The following TOP3A variants were observed in gnomAD, a reference collection of about 807,000 sequenced individuals.
TOP3A encodes the protein DNA topoisomerase 3-alpha.
Under a neutral mutation model 111.3 loss-of-function variants are expected in TOP3A, and 64 were observed. The observed-to-expected ratio is 0.57, with a 90% CI of 0.47 to 0.71. The LOEUF is 0.71. Among genes scored for constraint, TOP3A ranks in the 30% least tolerant of loss-of-function variants. The pLI, the probability that TOP3A is intolerant of heterozygous loss-of-function variation, is 0.00. For synonymous variants in TOP3A, 484 were observed against 485.1 expected (o/e 1.00, Z 0.03); for missense variants, 1,104 against 1,285.0 (o/e 0.86, Z 2.15).
intron 13 of TOP3A, among the ~76,000 whole-genome samples, chr17:18,290,311 T>A (rs1980385184): frequency 1.3e-5 from 2 of 152,216 alleles, no homozygotes; most frequent in African/African-American, 4.8e-5. Context: ...TCTCTGTTAC[T>A]ATGTGGACAG....
chr17:18,309,252 T>C lies in TOP3A; in HGVS notation c.181-311A>G, dbSNP rs950406426. Among the ~76,000 whole-genome samples the C allele has an allele frequency of 1.4e-4, 21 of 152,336 alleles. 1 individual carries two copies. The South Asian group carries it at 1.9e-3, about 14-fold the overall frequency. On this transcript the variant is annotated intron_variant, in intron 1 of 18. Transcript: ENST00000321105. ...AGTGTTGTTGAGGATGTGGAGAAAT[T>C]GGACATTGTCAGTGGAAATGTAAAA...
chr17:18,278,626 G>T (rs1979560467), intron 17 of TOP3A, among the ~76,000 whole-genome samples: 1 of 152,204 alleles, frequency 6.6e-6, no homozygotes, highest in Non-Finnish European at 1.5e-5. Flanking sequence ...CCATGTCTCT[G>T]TATCAGCAGT....
intron 18 of TOP3A, 152 bp downstream of exon 18, chr17:18,277,523 G>C (rs1340711544): frequency 2.0e-5 from 15 of 766,214 alleles, no homozygotes; most frequent in Non-Finnish European, 3.1e-5. Context: ...TGCTGAAAGT[G>C]ATCAAGTGAG....
rs1207334774 is a variant in TOP3A at position 18,285,197 on chromosome 17, G to A, written c.1822C>T (p.Gln608Ter). 6.2e-7 allele frequency: 1 copy of A among 1,614,078 alleles called. No homozygotes were observed. The highest frequency in any genetic ancestry group is 1.3e-5 in the African/African-American group (1 of 74,918). ...ACCTGCTTGTATTTCTGCACTTGCT[G>A]CCTTAGAACCACAAATTTGTCCTTT... The part of the protein sequence containing the change: ...GKKDKFVVLR[Q>*]QVQKYKQVFI... The change falls in exon 15 of 19, where the codon CAG becomes TAG. Residue 608 changes from glutamine (Q) to a stop codon, truncating the protein, a stop_gained. Coordinates refer to ENST00000321105, the MANE Select transcript of TOP3A (RefSeq NM_004618.5). LOFTEE classifies it high-confidence loss of function.
At chr17:18,297,014 T>C (rs1980849802) in intron 9 of TOP3A, among the ~76,000 whole-genome samples, 1 of 152,188 alleles carries the variant, frequency 6.6e-6, no homozygotes. Flanking sequence ...AATATGCATA[T>C]TAAAAAACAG....
intron 18 of TOP3A, among the ~76,000 whole-genome samples, chr17:18,276,597 G>A (rs140783413): frequency 8.8e-4 from 134 of 152,340 alleles, no homozygotes; most frequent in African/African-American, 3.1e-3. Flanking sequence ...ATCTTGTTGA[G>A]CAAACTTGAG....
intron 1 of TOP3A, among the ~76,000 whole-genome samples, chr17:18,311,736 G>A (rs748119340): frequency 3.3e-5 from 5 of 152,152 alleles, no homozygotes; most frequent in South Asian, 4.1e-4. Context: ...ATAAATGATC[G>A]CACATCCCAT....
At position 18,312,844 on chromosome 17, in the gene TOP3A, C is replaced by T. The variant is rs565149550; in HGVS notation, c.180+1755G>A. ...GAAAACATGGAGTTCGAGCTGGGCA[C>T]GGTGGCTCACGCCTGTAACCCTAAC... On this transcript the variant is annotated intron_variant, in intron 1 of 18. Coordinates refer to ENST00000321105, the MANE Select transcript of TOP3A (RefSeq NM_004618.5). The T allele has an allele frequency of 1.2e-3, 198 of 161,588 alleles. 1 individual carries two copies. The highest frequency in any genetic ancestry group is 6.5e-3 in the Middle Eastern group (2 of 308). The allele number at this position is 161,588 out of a possible 1,614,324, so 10.0% of individuals were successfully genotyped here.
At chr17:18,286,215 A>C (rs951726851) in intron 13 of TOP3A, among the ~76,000 whole-genome samples, 2 of 150,350 alleles carry the variant, frequency 1.3e-5, no homozygotes, top group Non-Finnish European at 3.0e-5. Context: ...AAAAAGAAAA[A>C]AAAAAGGGCT....
chr17:18,310,022 A>C (rs1981818262), intron 1 of TOP3A, among the ~76,000 whole-genome samples: 1 of 152,024 alleles, frequency 6.6e-6, no homozygotes, highest in Admixed American at 6.6e-5. Flanking sequence ...TGTCTATAGA[A>C]GTTCTATTCA....
At chr17:18,298,004 A>G (rs1360189526) in intron 9 of TOP3A, among the ~76,000 whole-genome samples, 1 of 146,762 alleles carries the variant, frequency 6.8e-6, no homozygotes. Flanking sequence ...CCGCCATCCC[A>G]TCTGGGAAGT....
At chr17:18,297,180 C>T (rs902011269) in intron 9 of TOP3A, among the ~76,000 whole-genome samples, 3 of 152,174 alleles carry the variant, frequency 2.0e-5, no homozygotes, top group African/African-American at 7.2e-5. Context: ...AATCCCAGCA[C>T]TTTGGGAGGC....
At position 18,302,597 on chromosome 17, in the gene TOP3A, T is replaced by A. The variant is rs557164714; in HGVS notation, c.626A>T (p.Glu209Val). ...CTCCTCACCAATCCTCAGGTCCAGC[T>A]CCTGCCTCACATCCACAGCATCGCT... ...RVSDAVDVRQ[E>V]LDLRIGAAFT... is the part of the protein sequence containing the mutation. The change falls in exon 6 of 19, where the codon GAG (glutamate) becomes GTG (valine). Residue 209 changes from glutamate (E) to valine (V), a missense_variant. Transcript: ENST00000321105. 10 of 1,614,176 alleles carry A rather than the reference T, an allele frequency of 6.2e-6. No homozygotes were observed. In the African/African-American group the frequency reaches 1.2e-4, roughly 19 times the overall value.
rs555858394 is a variant in TOP3A at position 18,284,905 on chromosome 17, G to T, written c.1877+237C>A. Among the ~76,000 whole-genome samples the T allele has an allele frequency of 1.0e-3, 157 of 152,326 alleles. 1 individual carries two copies. Among genetic ancestry groups the T allele is most frequent in the Middle Eastern group, 3.4e-3 (1 of 294 alleles). On this transcript the variant is annotated intron_variant, in intron 15 of 18. Coordinates refer to ENST00000321105, the MANE Select transcript of TOP3A (RefSeq NM_004618.5). ...CAAAGCTCTATGGAGAGTTGTAAAA[G>T]AACCCAGAGAAGAAAGTCCAAAGAA... is the stretch of plus-strand genomic sequence containing the variant.
At chr17:18,309,161 G>A (rs192757649) in intron 1 of TOP3A, among the ~76,000 whole-genome samples, 2 of 151,806 alleles carry the variant, frequency 1.3e-5, no homozygotes, top group East Asian at 1.9e-4. Context: ...ACCATGATGA[G>A]GTACCACTCC....
intron 4 of TOP3A, among the ~76,000 whole-genome samples, chr17:18,306,156 G>A (rs945151079): frequency 6.6e-6 from 1 of 152,124 alleles, no homozygotes; most frequent in Non-Finnish European, 1.5e-5. Context: ...AGCTGAGATT[G>A]CACCATCATA....
At chr17:18,286,947 C>A (rs1351080715) in intron 13 of TOP3A, among the ~76,000 whole-genome samples, 1 of 152,188 alleles carries the variant, frequency 6.6e-6, no homozygotes, top group African/African-American at 2.4e-5. Context: ...CCAAGCCCAG[C>A]TAATTTTTTC....
chr17:18,280,016 T>C (rs1367076390), intron 17 of TOP3A, among the ~76,000 whole-genome samples: 2 of 152,108 alleles, frequency 1.3e-5, no homozygotes, highest in African/African-American at 2.4e-5. Context: ...TCAGGCATAG[T>C]GGTGCATGCC....
chr17:18,293,911 A>G (rs750007787), intron 10 of TOP3A, among the ~76,000 whole-genome samples: 22 of 152,350 alleles, frequency 1.4e-4, no homozygotes, highest in Non-Finnish European at 2.1e-4. Flanking sequence ...AAAATTTTCA[A>G]TTAGTCACTT....
Sources: gnomAD v4.1 joint callset for allele counts (sites outside exome capture counted in the v4.1 genomes callset) on GRCh38, gnomAD v4.1.1 for gene constraint, MANE v1.5 for transcripts, NCBI Gene and HGNC (gene_info 2026-07-23, HGNC 2026-07-21) for gene names.